The following LRRC4C variants were observed in gnomAD, a reference collection of about 807,000 sequenced individuals.
The protein encoded by LRRC4C is leucine-rich repeat-containing protein 4C.
In LRRC4C, 5 loss-of-function variants were observed where a neutral mutation model predicts 33.6. The observed-to-expected ratio is 0.15, with a 90% CI of 0.08 to 0.31. The LOEUF (loss-of-function observed/expected upper bound fraction) is 0.31. LRRC4C is among the 10% of genes least tolerant of loss of function. The pLI, the probability that LRRC4C is intolerant of heterozygous loss-of-function variation, is 1.00. For missense variants in LRRC4C, 560 were observed against 796.7 expected (o/e 0.70, Z 3.58); for synonymous variants, 329 against 302.0 (o/e 1.09, Z -0.93).
intron 5 of LRRC4C, among the ~76,000 whole-genome samples, chr11:40,231,056 A>T (rs1184693002): frequency 2.0e-5 from 3 of 152,164 alleles, no homozygotes; most frequent in Non-Finnish European, 4.4e-5. Flanking sequence ...ACAAGGAATG[A>T]ATGAGTACAC....
intron 3 of LRRC4C, among the ~76,000 whole-genome samples, chr11:40,521,690 A>G (rs1017128446): frequency 1.1e-4 from 16 of 151,866 alleles, no homozygotes; most frequent in Non-Finnish European, 1.5e-5. Flanking sequence ...CCAACATGGT[A>G]AAACTCCGTC....
chr11:40,658,352 C>A lies in LRRC4C; in HGVS notation c.-406-10074G>T, dbSNP rs114668405. On this transcript the variant is annotated intron_variant, in intron 2 of 6. Transcript: ENST00000528697. ...CTAAGGCTCACTAATAGTTAGAAAT[C>A]TCATCTTATCTCTTTTGGCAGTAGG... Among the ~76,000 whole-genome samples, 684 of 152,294 alleles carry A rather than the reference C, an allele frequency of 4.5e-3. 7 individuals are homozygous for A. The highest frequency in any genetic ancestry group is 0.016 in the African/African-American group (654 of 41,568).
intron 1 of LRRC4C, among the ~76,000 whole-genome samples, chr11:41,037,323 T>C (rs1392556431): frequency 6.6e-6 from 1 of 151,508 alleles, no homozygotes; most frequent in East Asian, 1.9e-4. Flanking sequence ...AAGTGATTGA[T>C]CAAATTTTCT....
intron 1 of LRRC4C, among the ~76,000 whole-genome samples, chr11:41,412,285 ATTTAT>A (rs1422234056): frequency 6.6e-6 from 1 of 152,198 alleles, no homozygotes; most frequent in Non-Finnish European, 1.5e-5. Flanking sequence ...TAACAATCAC[ATTTAT>A]TTTAATGCTT....
chr11:41,357,299 A>C (rs913916504), intron 1 of LRRC4C, among the ~76,000 whole-genome samples: 1 of 152,144 alleles, frequency 6.6e-6, no homozygotes, highest in Non-Finnish European at 1.5e-5. Context: ...TATGTAGATA[A>C]TTTTTTTAAT....
chr11:41,079,858 C>G (rs1939434740), intron 1 of LRRC4C, among the ~76,000 whole-genome samples: 1 of 152,100 alleles, frequency 6.6e-6, no homozygotes, highest in African/African-American at 2.4e-5. Flanking sequence ...CTTCTTCTTC[C>G]AATGTTGCCC....
At chr11:41,102,696 G>A (rs1941263728) in intron 1 of LRRC4C, among the ~76,000 whole-genome samples, 1 of 151,914 alleles carries the variant, frequency 6.6e-6, no homozygotes, top group Non-Finnish European at 1.5e-5. Flanking sequence ...CACATTTTTA[G>A]ATTGCATACA....
intron 2 of LRRC4C, among the ~76,000 whole-genome samples, chr11:40,676,988 C>T (rs1209714724): frequency 1.3e-5 from 2 of 152,150 alleles, no homozygotes; most frequent in African/African-American, 4.8e-5. Flanking sequence ...TTTTACCATT[C>T]CTGCCCAGCA....
intron 3 of LRRC4C, among the ~76,000 whole-genome samples, chr11:40,629,127 G>GATAAAAATATA (rs1429058310): frequency 6.6e-6 from 1 of 152,076 alleles, no homozygotes; most frequent in African/African-American, 2.4e-5. Context: ...ATGTGTAGAA[G>GATAAAAATATA]ATAAAAATAT....
intron 2 of LRRC4C, among the ~76,000 whole-genome samples, chr11:40,858,396 T>C (rs1393237927): frequency 6.6e-6 from 1 of 152,072 alleles, no homozygotes; most frequent in Non-Finnish European, 1.5e-5. Flanking sequence ...AGATCAATAG[T>C]ATTTTAAAAG....
intron 1 of LRRC4C, among the ~76,000 whole-genome samples, chr11:41,416,882 T>G (rs1278103733): frequency 6.6e-6 from 1 of 152,038 alleles, no homozygotes; most frequent in Non-Finnish European, 1.5e-5. Flanking sequence ...TTTTCATTTC[T>G]GATGTTTTCC....
At chr11:40,308,401 C>T (rs1945142451) in intron 4 of LRRC4C, among the ~76,000 whole-genome samples, 1 of 152,156 alleles carries the variant, frequency 6.6e-6, no homozygotes, top group African/African-American at 2.4e-5. Context: ...AATAATGCCT[C>T]CCCTCAACCT....
chr11:40,570,785 A>C (rs1957952320), intron 3 of LRRC4C, among the ~76,000 whole-genome samples: 1 of 152,164 alleles, frequency 6.6e-6, no homozygotes, highest in Non-Finnish European at 1.5e-5. Context: ...CTGAAGATTT[A>C]AATTGATTCT....
intron 2 of LRRC4C, among the ~76,000 whole-genome samples, chr11:40,896,403 C>G (rs903920015): frequency 4.6e-5 from 7 of 152,176 alleles, no homozygotes; most frequent in African/African-American, 1.7e-4. Context: ...AAAATCACAT[C>G]TTCTCACTGA....
At chr11:41,129,150 A>G (rs535010742) in intron 1 of LRRC4C, among the ~76,000 whole-genome samples, 2 of 152,126 alleles carry the variant, frequency 1.3e-5, no homozygotes, top group South Asian at 2.1e-4. Context: ...TCTCCTTGAT[A>G]TAATCAGATA....
At chr11:40,396,993 A>G (rs927091070) in intron 3 of LRRC4C, among the ~76,000 whole-genome samples, 2 of 152,100 alleles carry the variant, frequency 1.3e-5, no homozygotes, top group Non-Finnish European at 2.9e-5. Flanking sequence ...ACCAACCAAC[A>G]TATTAGAAAA....
At chr11:40,994,611 TC>T (rs1410775522) in intron 1 of LRRC4C, among the ~76,000 whole-genome samples, 3 of 152,142 alleles carry the variant, frequency 2.0e-5, no homozygotes, top group Non-Finnish European at 4.4e-5. Flanking sequence ...ATTGAGTTTT[TC>T]CCTAAACTGC....
In LRRC4C at chr11:40,363,455, G is replaced by A. The variant is rs1360703882; in HGVS notation, c.-269-43734C>T. ...AGAGGATCAGGGAAAATAAATAATG[G>A]GTACTAGGCTTAATACCTGTGGGTG... On this transcript the variant is annotated intron_variant, in intron 3 of 6. Coordinates refer to ENST00000528697, the MANE Select transcript of LRRC4C (RefSeq NM_001258419.2). 3.9e-5 allele frequency among the ~76,000 whole-genome samples: 6 copies of A among 152,058 alleles called. No individual in the cohort carries two copies. In the East Asian group the frequency reaches 1.2e-3, roughly 29 times the overall value.
rs559674307 is a variant in LRRC4C, at chr11:40,750,843, CT to C, written c.-406-102566del. 2.0e-3 allele frequency among the ~76,000 whole-genome samples: 301 copies of C among 151,646 alleles called. 1 individual carries two copies. The highest frequency in any genetic ancestry group is 3.4e-3 in the Middle Eastern group (1 of 292). ...AAAAGAAAAGTAGAGACCAATACCC[CT>C]GCTGAACAAAGATATAAAAATTGTC... On this transcript the variant is annotated intron_variant, in intron 2 of 6. Transcript: ENST00000528697.
Sources: allele counts gnomAD v4.1 joint callset (sites outside exome capture counted in the v4.1 genomes callset), GRCh38; gene constraint gnomAD v4.1.1; transcripts MANE v1.5; gene names NCBI Gene and HGNC (gene_info 2026-07-23, HGNC 2026-07-21).